The following MALRD1 variants were observed in gnomAD, a reference collection of about 807,000 sequenced individuals.
The protein encoded by MALRD1 is MAM and LDL-receptor class A domain-containing protein 1.
A neutral mutation model predicts 242.1 loss-of-function variants in MALRD1; 247 were observed. The observed-to-expected ratio is 1.02, with a 90% CI of 0.92 to 1.13. MALRD1 has a LOEUF of 1.13. Among genes scored for constraint, MALRD1 ranks in the 50% most tolerant of loss-of-function variants. MALRD1 has a pLI of 0.00. For synonymous variants in MALRD1, 995 were observed against 866.6 expected, an observed-to-expected ratio of 1.15 and a Z score of -2.60; for missense variants, 2,989 against 2,533.1, an observed-to-expected ratio of 1.18 and a Z score of -3.86.
intron 35 of MALRD1, among the ~76,000 whole-genome samples, chr10:19,612,298 C>T (rs1013848707): frequency 4.5e-4 from 68 of 151,934 alleles, no homozygotes; most frequent in Non-Finnish European, 5.0e-4. Flanking sequence ...AGCATGCCCC[C>T]CAGTCCTGAG....
intron 31 of MALRD1, among the ~76,000 whole-genome samples, chr10:19,529,050 A>G (rs1210528722): frequency 6.6e-6 from 1 of 152,228 alleles, no homozygotes; most frequent in Non-Finnish European, 1.5e-5. Context: ...TTGGCAGCCC[A>G]CACACTTTGG....
intron 21 of MALRD1, among the ~76,000 whole-genome samples, chr10:19,312,080 A>G (rs936287902): frequency 6.6e-6 from 1 of 151,356 alleles, no homozygotes; most frequent in Non-Finnish European, 1.5e-5. Context: ...TGTAAAGGTC[A>G]AAGAATGATA....
intron 14 of MALRD1, among the ~76,000 whole-genome samples, chr10:19,185,541 G>C (rs1463962363): frequency 6.6e-6 from 1 of 152,080 alleles, no homozygotes; most frequent in South Asian, 2.1e-4. Context: ...AATCTTAGAT[G>C]CTGGTTATAT....
chr10:19,325,998 T>A (rs925675027), intron 22 of MALRD1, among the ~76,000 whole-genome samples: 10 of 151,262 alleles, frequency 6.6e-5, no homozygotes, highest in Non-Finnish European at 1.3e-4. Flanking sequence ...ATAAACATAG[T>A]TTCTTTCAAA....
intron 24 of MALRD1, among the ~76,000 whole-genome samples, chr10:19,341,429 A>G (rs1843844758): frequency 8.9e-6 from 1 of 112,312 alleles, no homozygotes; most frequent in African/African-American, 3.6e-5. Flanking sequence ...AAGTAAAATA[A>G]CACTATATGT....
At chr10:19,680,488 T>C (rs1237503386) in intron 36 of MALRD1, among the ~76,000 whole-genome samples, 1 of 152,156 alleles carries the variant, frequency 6.6e-6, no homozygotes, top group East Asian at 1.9e-4. Context: ...TCCATTTGCT[T>C]GGTAAATTTC....
chr10:19,178,819 T>C (rs191268636), intron 14 of MALRD1, among the ~76,000 whole-genome samples: 3 of 152,274 alleles, frequency 2.0e-5, no homozygotes, highest in African/African-American at 7.2e-5. Flanking sequence ...AGGGAGCACA[T>C]GAAACTAATT....
chr10:19,056,808 G>T (rs1410801787), intron 1 of MALRD1, among the ~76,000 whole-genome samples: 1 of 152,082 alleles, frequency 6.6e-6, no homozygotes, highest in African/African-American at 2.4e-5. Context: ...TAAGTATGAT[G>T]TTTGCTCCCT....
intron 24 of MALRD1, among the ~76,000 whole-genome samples, chr10:19,341,135 A>G (rs937638300): frequency 4.6e-5 from 7 of 152,088 alleles, no homozygotes; most frequent in Non-Finnish European, 8.8e-5. Context: ...ATATCTTTCT[A>G]TATTTTTTAC....
intron 26 of MALRD1, among the ~76,000 whole-genome samples, chr10:19,382,634 A>C (rs763378155): frequency 6.6e-6 from 1 of 152,100 alleles, no homozygotes; most frequent in Non-Finnish European, 1.5e-5. Flanking sequence ...ATTCAGATAA[A>C]GGTCTTGATC....
At chr10:19,302,731 A>G (rs963695988) in intron 21 of MALRD1, among the ~76,000 whole-genome samples, 1 of 151,782 alleles carries the variant, frequency 6.6e-6, no homozygotes, top group Admixed American at 6.6e-5. Flanking sequence ...ATACTTCAAA[A>G]ATTACGTGAA....
intron 31 of MALRD1, among the ~76,000 whole-genome samples, chr10:19,529,550 G>GT (rs1416142119): frequency 3.4e-5 from 5 of 145,638 alleles, no homozygotes; most frequent in South Asian, 2.3e-4. Context: ...AACAGGAGGG[G>GT]GGGGGAGAAA....
intron 4 of MALRD1, among the ~76,000 whole-genome samples, chr10:19,103,137 CTG>C (rs1344042917): frequency 6.6e-6 from 1 of 152,060 alleles, no homozygotes; most frequent in Admixed American, 6.6e-5. Flanking sequence ...GCGTGAGGCA[CTG>C]TGACAGGCCA....
intron 24 of MALRD1, among the ~76,000 whole-genome samples, chr10:19,336,648 C>G (rs1003931982): frequency 1.3e-5 from 2 of 152,232 alleles, no homozygotes; most frequent in East Asian, 1.9e-4. Context: ...TGCCCCCCTC[C>G]TAAATCACAT....
chr10:19,058,203 A>G, intron 1 of MALRD1, among the ~76,000 whole-genome samples: 1 of 152,238 alleles, frequency 6.6e-6, no homozygotes, highest in Non-Finnish European at 1.5e-5. Flanking sequence ...GAGCTGTTCC[A>G]TGGAGCAGCT....
intron 38 of MALRD1, among the ~76,000 whole-genome samples, chr10:19,728,778 C>G (rs1218347288): frequency 6.6e-6 from 1 of 152,194 alleles, no homozygotes; most frequent in Non-Finnish European, 1.5e-5. Flanking sequence ...CAAAACTACA[C>G]TTCACTCCCT....
At chr10:19,445,499 G>A (rs1008213006) in intron 28 of MALRD1, among the ~76,000 whole-genome samples, 1 of 152,126 alleles carries the variant, frequency 6.6e-6, no homozygotes, top group Non-Finnish European at 1.5e-5. Context: ...TTTTGGTGTG[G>A]ATGTCCTTTC....
intron 19 of MALRD1, among the ~76,000 whole-genome samples, chr10:19,269,934 C>A (rs542766018): frequency 1.3e-5 from 2 of 152,340 alleles, no homozygotes; most frequent in African/African-American, 2.4e-5. Context: ...ATCGGTCTCT[C>A]TTTCAAGTCA....
intron 7 of MALRD1, among the ~76,000 whole-genome samples, chr10:19,127,427 A>G (rs1200005266): frequency 1.3e-5 from 2 of 152,164 alleles, no homozygotes; most frequent in Non-Finnish European, 2.9e-5. Context: ...ATCTGAGGCT[A>G]AAATTTGCTC....
Sources: allele counts gnomAD v4.1 joint callset (sites outside exome capture counted in the v4.1 genomes callset), GRCh38; gene constraint gnomAD v4.1.1; transcripts MANE v1.5; gene names NCBI Gene and HGNC (gene_info 2026-07-23, HGNC 2026-07-21).